Variants in TTI2 observed in about 807,000 individuals in gnomAD.
The protein encoded by TTI2 is TELO2 interacting protein 2, also known as TELO2-interacting protein 2.
In TTI2, 26 loss-of-function variants were observed where a neutral mutation model predicts 44.9. That is an observed-to-expected ratio of 0.58 (90% CI 0.42 to 0.80). The LOEUF (loss-of-function observed/expected upper bound fraction) is 0.80, where lower values mean the gene tolerates loss of function less well. Ranked by LOEUF, TTI2 falls within the 30% of genes least tolerant of loss-of-function variation. The probability of loss-of-function intolerance (pLI) is 0.00; values close to 1 mark genes in which losing one functional copy is unlikely to be tolerated. For missense variants in TTI2, 582 were observed against 611.6 expected, an observed-to-expected ratio of 0.95 and a Z score of 0.51; for synonymous variants, 254 against 250.9, an observed-to-expected ratio of 1.01 and a Z score of -0.12.
Position 33,503,503 on chromosome 8 carries a change from A to G in TTI2, c.1185T>C (p.Tyr395=), listed in dbSNP as rs771416460. ...ERVIIGYLEV[Y]DGPEEEARLK... ...GTCTAGCTTCCTCCTCAGGTCCATCATAAACCTCCAGATAACCAATGATGA... is the reference window on the plus strand; with the variant it reads ...GTCTAGCTTCCTCCTCAGGTCCATCGTAAACCTCCAGATAACCAATGATGA... Residue 395 remains tyrosine (Y), a synonymous_variant, in exon 6 of 8, where the codon TAT becomes TAC. Transcript: ENST00000431156. The G allele has an allele frequency of 1.2e-6, 2 of 1,614,146 alleles. No homozygotes were observed. The highest frequency in any genetic ancestry group is 1.1e-5 in the South Asian group (1 of 91,076).
chr8:33,508,081 C>T (rs1172680569), intron 3 of TTI2, among the ~76,000 whole-genome samples: 3 of 35,676 alleles, frequency 8.4e-5, no homozygotes, highest in African/African-American at 2.3e-4. Context: ...ATGTGGCTAG[C>T]GGTAGTAAAA....
chr8:33,512,817 G>A (rs1227129394), intron 1 of TTI2, 105 bp from the exon 2 acceptor site: 2 of 489,208 alleles, frequency 4.1e-6, no homozygotes, highest in Non-Finnish European at 3.6e-6. Context: ...GGAGTTTGCA[G>A]TGAGCCGAGA....
chr8:33,499,225 T>C lies in TTI2; in HGVS notation c.1475A>G (p.Tyr492Cys), dbSNP rs147476381. ...AGAAACCTGCTGCACTTTTCTGATA[T>C]AGTTCACCACTTTTCTGTCTTCACA... Reference protein sequence around the residue: ...QSCEDRKVVNYIRKVQQVSEG... With the variant: ...QSCEDRKVVNCIRKVQQVSEG... Residue 492 changes from tyrosine to cysteine, a missense_variant, in exon 8 of 8, where the codon TAT becomes TGT. Transcript: ENST00000431156. 9 of 1,614,040 alleles carry C rather than the reference T, an allele frequency of 5.6e-6. No individual in the cohort carries two copies. Among genetic ancestry groups the C allele is most frequent in the East Asian group, 2.2e-5 (1 of 44,882 alleles).
In TTI2 at chr8:33,503,793, A is replaced by G. The variant is rs773962864; in HGVS notation, c.1070T>C (p.Leu357Pro). Residue 357 changes from leucine (L) to proline (P), a missense_variant, in exon 5 of 8, where the codon CTT becomes CCT. By Grantham distance (98) the Leu-to-Pro change is moderately conservative. Coordinates refer to ENST00000431156, the MANE Select transcript of TTI2 (RefSeq NM_001102401.4). ...GTTTCTTGCGTAGGTCCTGCGTAAA[A>G]GAAGGCGGTGCTCTGGCTCCATGTG... ...LTHMEPEHRLLLRRTYARNLP... is the reference protein window; with the variant it reads ...LTHMEPEHRLPLRRTYARNLP... 6.2e-7 allele frequency: 1 copy of G among 1,614,104 alleles called. No individual in the cohort carries two copies. Among genetic ancestry groups the G allele is most frequent in the Non-Finnish European group, 8.5e-7 (1 of 1,180,018 alleles).
In TTI2 at chr8:33,512,450, A is replaced by G; in HGVS notation, c.164T>C (p.Leu55Pro). The G allele has an allele frequency of 3.1e-6, 5 of 1,614,094 alleles. No homozygotes were observed. Among genetic ancestry groups the G allele is most frequent in the Non-Finnish European group, 4.2e-6 (5 of 1,179,966 alleles). The stretch of plus-strand genomic sequence containing the variant: ...TTCTGTGGCTTCTATTAGATCACCG[A>G]GGTCTTTAAGAACTGCATCTTTTAC... ...GNVKDAVLKD[L>P]GDLIEATEFD... Residue 55 changes from leucine to proline, a missense_variant, in exon 2 of 8, where the codon CTC becomes CCC. Coordinates refer to ENST00000431156, the MANE Select transcript of TTI2 (RefSeq NM_001102401.4).
rs151322804 is a variant in TTI2, at chr8:33,499,299, G to A, written c.1423-22C>T. On this transcript the variant is annotated intron_variant, in intron 7 of 7. Coordinates refer to ENST00000431156, the MANE Select transcript of TTI2 (RefSeq NM_001102401.4). ...GACCCTGAAACATGAAACCAAACAG[G>A]CTTTGATATTTTTTTTTTTTTAATT... is the stretch of plus-strand genomic sequence containing the variant. The A allele has an allele frequency of 1.6e-3, 2,508 of 1,558,432 alleles. 41 individuals carry two copies. The African/African-American group carries it at 0.03, about 19-fold the overall frequency.
chr8:33,500,754 A>G, intron 6 of TTI2: 2 of 390,316 alleles, frequency 5.1e-6, no homozygotes, highest in South Asian at 2.7e-5. Context: ...GTTCTACTGT[A>G]AGCAACAGCT....
chr8:33,503,697 G>C, intron 5 of TTI2, 51 bp downstream of exon 5: 4 of 1,610,204 alleles, frequency 2.5e-6, no homozygotes, highest in Non-Finnish European at 3.4e-6. Flanking sequence ...AAGCAACATA[G>C]CAAGATCCTG....
Position 33,512,601 on chromosome 8 carries a change from T to C in TTI2, c.13A>G (p.Ser5Gly), listed in dbSNP as rs767555250. 1 of 1,613,156 alleles carries C rather than the reference T, an allele frequency of 6.2e-7. No individual in the cohort carries two copies. The highest frequency in any genetic ancestry group is 1.1e-5 in the South Asian group (1 of 91,082). The change falls in exon 2 of 8, where the codon AGC becomes GGC. Residue 5 changes from serine to glycine, a missense_variant. Ser to Gly is a moderately conservative substitution (Grantham distance 56). Transcript: ENST00000431156. Reference sequence around the variant, plus strand: ...TCCTGCGATGGGGCTTCCAGAGCGCTGTCAAGCTCCATTCCTGACTGCAGC... The same window carrying C: ...TCCTGCGATGGGGCTTCCAGAGCGCCGTCAAGCTCCATTCCTGACTGCAGC... MELD[S>G]ALEAPSQEDS...
intron 4 of TTI2, among the ~76,000 whole-genome samples, chr8:33,505,104 T>C (rs1809247324): frequency 6.6e-6 from 1 of 151,980 alleles, no homozygotes; most frequent in Non-Finnish European, 1.5e-5. Flanking sequence ...CTGCCTGTAA[T>C]CCCAGCTACT....
At chr8:33,508,368 G>A (rs1190283543) in intron 3 of TTI2, among the ~76,000 whole-genome samples, 1 of 151,910 alleles carries the variant, frequency 6.6e-6, no homozygotes, top group South Asian at 2.1e-4. Flanking sequence ...TTAGGAGGCC[G>A]AGGTTGGTGG....
chr8:33,511,318 C>T (rs1315989013), intron 2 of TTI2, among the ~76,000 whole-genome samples: 4 of 152,030 alleles, frequency 2.6e-5, no homozygotes, highest in African/African-American at 9.7e-5. Flanking sequence ...GCTGGGACTA[C>T]AGGAGTGAGC....
chr8:33,503,544 T>TTGC lies in TTI2; in HGVS notation c.1143_1144insGCA (p.Leu381_Lys382insAla). ...CCAATGATGACTCTCTCCAGCCTCT[T>TTGC]TAAGTGCCGGACAGTTAGGATCCCC... On this transcript the variant is annotated inframe_insertion, in exon 6 of 8. Transcript: ENST00000431156. 6.2e-7 allele frequency: 1 copy of TTGC among 1,614,048 alleles called. No individual in the cohort carries two copies.
chr8:33,509,829 C>A lies in TTI2; in HGVS notation c.751G>T (p.Ala251Ser). 3 of 1,614,000 alleles carry A rather than the reference C, an allele frequency of 1.9e-6. No individual in the cohort carries two copies. Among genetic ancestry groups the A allele is most frequent in the Non-Finnish European group, 2.5e-6 (3 of 1,179,966 alleles). The change falls in exon 3 of 8, where the codon GCA (alanine) becomes TCA (serine). Residue 251 changes from alanine to serine, a missense_variant. Transcript: ENST00000431156. ...TAGTCATCTGAAATGACCAATGATG[C>A]GGGAAGTACCCTTTCCAGATGCTGG... is the stretch of plus-strand genomic sequence containing the variant. ...LSQHLERVLP[A>S]SLVISDDYQT...
At chr8:33,510,066 T>A in intron 2 of TTI2, 134 bp from the exon 3 acceptor site, 1 of 719,522 alleles carries the variant, frequency 1.4e-6, no homozygotes, top group Non-Finnish European at 2.3e-6. Context: ...ATAAGATAAC[T>A]CTTGATTCTA....
intron 2 of TTI2, among the ~76,000 whole-genome samples, chr8:33,511,121 C>T (rs1201337142): frequency 1.3e-5 from 2 of 152,132 alleles, no homozygotes; most frequent in Admixed American, 6.5e-5. Context: ...CAGCTCACTG[C>T]AATCTCTGCC....
At chr8:33,512,818 T>C (rs1246990692) in intron 1 of TTI2, 106 bp from the exon 2 acceptor site, 1 of 502,632 alleles carries the variant, frequency 2.0e-6, no homozygotes, top group Admixed American at 3.5e-5. Context: ...GAGTTTGCAG[T>C]GAGCCGAGAT....
At chr8:33,508,799 T>C (rs1434213102) in intron 3 of TTI2, among the ~76,000 whole-genome samples, 1 of 151,986 alleles carries the variant, frequency 6.6e-6, no homozygotes, top group Non-Finnish European at 1.5e-5. Flanking sequence ...CACATTTGGA[T>C]ATAGTCCCTT....
At chr8:33,509,007 T>G (rs1159999018) in intron 3 of TTI2, among the ~76,000 whole-genome samples, 1 of 150,046 alleles carries the variant, frequency 6.7e-6, no homozygotes, top group South Asian at 2.1e-4. Context: ...CTGGGTGTGG[T>G]GGCTGCTACT....
Sources: allele counts gnomAD v4.1 joint callset (sites outside exome capture counted in the v4.1 genomes callset), GRCh38; gene constraint gnomAD v4.1.1; transcripts MANE v1.5; gene names NCBI Gene and HGNC (gene_info 2026-07-23, HGNC 2026-07-21).